Variants in DACH1 observed in about 807,000 individuals in gnomAD.
DACH1 encodes dachshund homolog 1.
In DACH1, 12 loss-of-function variants were observed where a neutral mutation model predicts 54.2. The ratio of observed to expected loss-of-function variants is 0.22; its 90% CI spans 0.14 to 0.36. The LOEUF is 0.36. DACH1 is among the 10% of genes least tolerant of loss of function. DACH1 has a pLI of 1.00. For missense variants in DACH1, 805 were observed against 929.8 expected (o/e 0.87, Z 1.75); for synonymous variants, 386 against 366.2 (o/e 1.05, Z -0.62).
chr13:71,467,588 G>T (rs1876704230), intron 10 of DACH1, among the ~76,000 whole-genome samples: 1 of 151,402 alleles, frequency 6.6e-6, no homozygotes, highest in Non-Finnish European at 1.5e-5. Context: ...AACATTTATG[G>T]GTATCGCTAA....
intron 1 of DACH1, among the ~76,000 whole-genome samples, chr13:71,741,850 C>T (rs1054571849): frequency 6.6e-6 from 1 of 152,118 alleles, no homozygotes; most frequent in African/African-American, 2.4e-5. Flanking sequence ...CCCCATCTTT[C>T]AGAATACCTA....
chr13:71,541,100 C>A (rs1355898096), intron 6 of DACH1, among the ~76,000 whole-genome samples: 2 of 151,778 alleles, frequency 1.3e-5, no homozygotes, highest in African/African-American at 4.8e-5. Flanking sequence ...GAAATATTTT[C>A]ATAAGTAATA....
intron 1 of DACH1, among the ~76,000 whole-genome samples, chr13:71,794,220 C>T (rs1428314263): frequency 6.6e-6 from 1 of 152,156 alleles, no homozygotes; most frequent in Non-Finnish European, 1.5e-5. Flanking sequence ...ATCACATATT[C>T]AATAAGTCAG....
At chr13:71,816,582 GTATA>G (rs1327765083) in intron 1 of DACH1, among the ~76,000 whole-genome samples, 3 of 138,360 alleles carry the variant, frequency 2.2e-5, no homozygotes, top group African/African-American at 8.9e-5. Flanking sequence ...ATATATACAC[GTATA>G]TATATACACA....
At chr13:71,785,654 C>A (rs1448412961) in intron 1 of DACH1, among the ~76,000 whole-genome samples, 2 of 152,150 alleles carry the variant, frequency 1.3e-5, no homozygotes, top group Non-Finnish European at 2.9e-5. Context: ...GGGCTCAGCT[C>A]ATTGCACAAA....
chr13:71,789,326 C>G (rs533652898), intron 1 of DACH1, among the ~76,000 whole-genome samples: 15 of 152,122 alleles, frequency 9.9e-5, no homozygotes, highest in Non-Finnish European at 1.5e-4. Flanking sequence ...CATTATTTAA[C>G]TGAATATGAA....
At chr13:71,451,057 A>C (rs1239892375) in intron 10 of DACH1, among the ~76,000 whole-genome samples, 3 of 152,076 alleles carry the variant, frequency 2.0e-5, no homozygotes, top group African/African-American at 7.2e-5. Context: ...GATGATGATA[A>C]TCATCATCAT....
At chr13:71,858,932 T>C (rs984900043) in intron 1 of DACH1, among the ~76,000 whole-genome samples, 3 of 151,698 alleles carry the variant, frequency 2.0e-5, no homozygotes, top group Non-Finnish European at 4.4e-5. Context: ...TCTCTCTCTG[T>C]GTGTCTCTCT....
chr13:71,774,531 C>T (rs539340813), intron 1 of DACH1, among the ~76,000 whole-genome samples: 4 of 152,206 alleles, frequency 2.6e-5, no homozygotes, highest in African/African-American at 9.6e-5. Flanking sequence ...CTCCTGAGTG[C>T]ATATTATATG....
intron 10 of DACH1, among the ~76,000 whole-genome samples, chr13:71,472,589 G>A (rs561302312): frequency 1.3e-5 from 2 of 152,286 alleles, no homozygotes; most frequent in East Asian, 1.9e-4. Flanking sequence ...CTTTGGAATA[G>A]AAAATAATTT....
intron 1 of DACH1, among the ~76,000 whole-genome samples, chr13:71,788,343 T>A (rs1171689940): frequency 6.6e-6 from 1 of 152,174 alleles, no homozygotes; most frequent in African/African-American, 2.4e-5. Context: ...TAAAGACTCT[T>A]ATAGCCAGTT....
At chr13:71,824,105 AAT>A (rs1888293500) in intron 1 of DACH1, among the ~76,000 whole-genome samples, 1 of 151,962 alleles carries the variant, frequency 6.6e-6, no homozygotes, top group African/African-American at 2.4e-5. Flanking sequence ...AATAATATAG[AAT>A]ATGTGTTACC....
chr13:71,644,708 G>A (rs1041636385), intron 2 of DACH1, among the ~76,000 whole-genome samples: 3 of 151,774 alleles, frequency 2.0e-5, no homozygotes, highest in Non-Finnish European at 4.4e-5. Context: ...CAGAACTGGG[G>A]CTCTACTTCA....
intron 1 of DACH1, among the ~76,000 whole-genome samples, chr13:71,786,537 A>C (rs888195970): frequency 6.6e-6 from 1 of 152,200 alleles, no homozygotes; most frequent in Non-Finnish European, 1.5e-5. Flanking sequence ...AAAGGTTAAT[A>C]AAATTAGATC....
At chr13:71,447,630 G>A (rs1238867826) in intron 10 of DACH1, among the ~76,000 whole-genome samples, 4 of 151,732 alleles carry the variant, frequency 2.6e-5, no homozygotes, top group South Asian at 2.1e-4. Flanking sequence ...TCAGGAAATC[G>A]AGACCATCCT....
At chr13:71,668,873 C>T (rs1287187615) in intron 2 of DACH1, among the ~76,000 whole-genome samples, 1 of 151,654 alleles carries the variant, frequency 6.6e-6, no homozygotes, top group Non-Finnish European at 1.5e-5. Flanking sequence ...TGCAGTGAGC[C>T]GAGATCGCAC....
chr13:71,729,294 G>A (rs1460626980), intron 1 of DACH1, among the ~76,000 whole-genome samples: 5 of 151,946 alleles, frequency 3.3e-5, no homozygotes, highest in Middle Eastern at 3.4e-3. Flanking sequence ...ATCTAAAATG[G>A]CATTTCTGAA....
intron 2 of DACH1, among the ~76,000 whole-genome samples, chr13:71,662,563 A>G (rs1292206701): frequency 1.3e-5 from 2 of 152,010 alleles, no homozygotes; most frequent in African/African-American, 4.8e-5. Context: ...GAAATATGAT[A>G]AATCCCAATA....
At chr13:71,764,721 A>AT (rs1334156333) in intron 1 of DACH1, among the ~76,000 whole-genome samples, 1 of 152,082 alleles carries the variant, frequency 6.6e-6, no homozygotes, top group Non-Finnish European at 1.5e-5. Context: ...AAAAGCTCTT[A>AT]TTTTACTTCT....
Sources: gnomAD v4.1 joint callset for allele counts (sites outside exome capture counted in the v4.1 genomes callset) on GRCh38, gnomAD v4.1.1 for gene constraint, MANE v1.5 for transcripts, NCBI Gene and HGNC (gene_info 2026-07-23, HGNC 2026-07-21) for gene names.